The following CAPN12 variants were observed in gnomAD, a reference collection of about 807,000 sequenced individuals.
CAPN12 encodes calpain-12.
In CAPN12, 107 loss-of-function variants were observed where a neutral mutation model predicts 95.0. That is an observed-to-expected ratio of 1.13 (90% CI 0.96 to 1.32). The LOEUF (loss-of-function observed/expected upper bound fraction) is 1.32, where lower values mean the gene tolerates loss of function less well. CAPN12 is among the 40% of genes most tolerant of loss of function. The pLI, the probability that CAPN12 is intolerant of heterozygous loss-of-function variation, is 0.00. For missense variants in CAPN12, 1,136 were observed against 997.8 expected (o/e 1.14, Z -1.87); for synonymous variants, 505 against 415.5 (o/e 1.22, Z -2.62).
chr19:38,734,622 C>T lies in CAPN12; in HGVS notation c.1744+191G>A, dbSNP rs567591704. ...TGCCTTTCAGCGGAAGGGGAGCTTG[C>T]GAGCAGCCGTGGCCCAGGTCACGGG... is the stretch of plus-strand genomic sequence containing the variant. On this transcript the variant is annotated intron_variant, in intron 15 of 20. Transcript: ENST00000328867. The T allele has an allele frequency of 9.5e-4, 615 of 649,556 alleles. 6 individuals are homozygous for T. Among genetic ancestry groups the T allele is most frequent in the African/African-American group, 4.2e-4 (23 of 54,566 alleles). The allele number at this position is 649,556 out of a possible 1,614,324, so 40.2% of individuals were successfully genotyped here. A position where few individuals can be genotyped will look rare whatever the true frequency, so the allele number is the denominator to read the frequency against.
In CAPN12 at chr19:38,743,930, T is replaced by C; in HGVS notation, c.236A>G (p.His79Arg). ...GCCCAGACCCCAGCCACACTTTACA[T>C]GGGGCCTCATCCATTTCACGCCTTT... ...KAKGVKWMRP[H>R]EFCAEPKFIC... The change falls in exon 1 of 21, where the codon CAT becomes CGT. Residue 79 changes from histidine to arginine, a missense_variant and splice_region_variant. His to Arg is a conservative substitution (Grantham distance 29). Transcript: ENST00000328867. 4 of 1,613,914 alleles carry C rather than the reference T, an allele frequency of 2.5e-6. No homozygotes were observed. The highest frequency in any genetic ancestry group is 3.4e-6 in the Non-Finnish European group (4 of 1,179,870).
chr19:38,735,392 A>T lies in CAPN12; in HGVS notation c.1664T>A (p.Leu555Gln), dbSNP rs773635272. 2.5e-6 allele frequency: 4 copies of T among 1,606,326 alleles called. No homozygotes were observed. In the African/African-American group the frequency reaches 4.0e-5, roughly 16 times the overall value. Residue 555 changes from leucine to glutamine, a missense_variant, in exon 14 of 21, where the codon CTG becomes CAG. Transcript: ENST00000328867. ...CACCTCTCCAGCCAGCTCCTGAAAC[A>T]GCTGCTCCAACCCCAGCTCCAGGGG... ...YLPLELGLEQ[L>Q]FQELAGEEEE...
chr19:38,743,623 CTT>C, intron 1 of CAPN12, among the ~76,000 whole-genome samples: 1 of 144,230 alleles, frequency 6.9e-6, no homozygotes, highest in Non-Finnish European at 1.5e-5. Context: ...GTGTCCAGGC[CTT>C]GGCCTCTCCT....
intron 14 of CAPN12, 124 bp downstream of exon 14, chr19:38,735,246 A>T (rs1182061716): frequency 1.0e-6 from 1 of 960,654 alleles, no homozygotes; most frequent in Admixed American, 2.9e-5. Context: ...AGGTCAGGAG[A>T]TTTAAGCCCG....
intron 18 of CAPN12, 160 bp downstream of exon 18, chr19:38,733,543 A>C: frequency 1.6e-6 from 1 of 624,398 alleles, no homozygotes; most frequent in South Asian, 2.1e-5. Flanking sequence ...GGCCTCTTTC[A>C]GGGTCACCCA....
chr19:38,730,814 A>AC lies in CAPN12; in HGVS notation c.*37dup. 1 of 1,550,078 alleles carries AC rather than the reference A, an allele frequency of 6.5e-7. No individual in the cohort carries two copies. Among genetic ancestry groups the AC allele is most frequent in the Non-Finnish European group, 8.7e-7 (1 of 1,146,860 alleles). ...CCTAGGGAGGTGGTCTTGCTCAGCA[A>AC]CCCTGCCCTGAGCAGCAGGTGCGCC... On this transcript the variant is annotated 3_prime_UTR_variant, in exon 21 of 21. Transcript: ENST00000328867.
chr19:38,730,730 C>T lies in CAPN12; in HGVS notation c.*122G>A. The stretch of plus-strand genomic sequence containing the variant: ...GTCACCCGGCCGTGAGCAGTGAGGG[C>T]CAGAGACTAGCCCCAGACAGGTGGA... On this transcript the variant is annotated 3_prime_UTR_variant, in exon 21 of 21. Transcript: ENST00000328867. 7.8e-7 allele frequency: 1 copy of T among 1,286,876 alleles called. No individual in the cohort carries two copies. Among genetic ancestry groups the T allele is most frequent in the Middle Eastern group, 2.2e-4 (1 of 4,608 alleles). The allele number at this position is 1,286,876 out of a possible 1,614,324, so 79.7% of individuals were successfully genotyped here. A position where few individuals can be genotyped will look rare whatever the true frequency, so the allele number is the denominator to read the frequency against.
chr19:38,734,074 A>G (rs1263648953), intron 17 of CAPN12, 68 bp downstream of exon 17: 2 of 1,561,486 alleles, frequency 1.3e-6, no homozygotes, highest in Non-Finnish European at 8.8e-7. Context: ...GATAGCCCAC[A>G]GGGTGCCTAT....
intron 1 of CAPN12, 117 bp downstream of exon 1, chr19:38,743,812 C>T (rs1422963896): frequency 1.0e-6 from 1 of 975,476 alleles, no homozygotes; most frequent in Non-Finnish European, 1.5e-6. Context: ...TCTCGAGCCC[C>T]TCCTCCCTCA....
upstream of CAPN12, chr19:38,744,569 CT>C (rs1323071396): frequency 1.1e-5 from 3 of 265,676 alleles, no homozygotes; most frequent in Non-Finnish European, 2.2e-5. Context: ...CTCTCTCCCC[CT>C]CCCTCTGACA....
Position 38,734,753 on chromosome 19 carries a change from C to T in CAPN12, c.1744+60G>A, listed in dbSNP as rs1969892675. ...GTTCATAGACATAGGGTGGCACCGG[C>T]TCTGGTTGCAGGACCCCTGGCTAAG... On this transcript the variant is annotated intron_variant, in intron 15 of 20. Coordinates refer to ENST00000328867, the MANE Select transcript of CAPN12 (RefSeq NM_144691.4). 5 of 1,522,710 alleles carry T rather than the reference C, an allele frequency of 3.3e-6. No individual in the cohort carries two copies. The Admixed American group carries it at 8.7e-5, about 26-fold the overall frequency. 94.3% of individuals were successfully genotyped at this position (1,522,710 alleles called of 1,614,324 possible). A position where few individuals can be genotyped will look rare whatever the true frequency, so the allele number is the denominator to read the frequency against.
chr19:38,744,062 A>C lies in CAPN12; in HGVS notation c.104T>G (p.Ile35Ser). 5 of 1,614,160 alleles carry C rather than the reference A, an allele frequency of 3.1e-6. No individual in the cohort carries two copies. Among genetic ancestry groups the C allele is most frequent in the African/African-American group, 1.3e-5 (1 of 75,042 alleles). The stretch of plus-strand genomic sequence containing the variant: ...CCCCGAATCCAGGCAGGCTGCCCGA[A>C]TTGCCTCATAGCTCTGGCCCCGAAA... The part of the protein sequence containing the change: ...QLFRGQSYEA[I>S]RAACLDSGIL... Residue 35 changes from isoleucine to serine, a missense_variant, in exon 1 of 21, where the codon ATT becomes AGT. Ile to Ser is a moderately radical substitution (Grantham distance 142). Coordinates refer to ENST00000328867, the MANE Select transcript of CAPN12 (RefSeq NM_144691.4).
intron 12 of CAPN12, 148 bp downstream of exon 12, chr19:38,735,962 G>GGGGGC (rs1289808083): frequency 0.011 from 410 of 35,764 alleles, 109 homozygotes; most frequent in Non-Finnish European, 0.016. Context: ...CGGGGGTTCT[G>GGGGGC]GGGGCGGGGC....
At chr19:38,734,763 A>T (rs1969893386) in intron 15 of CAPN12, 50 bp downstream of exon 15, 1 of 1,567,654 alleles carries the variant, frequency 6.4e-7, no homozygotes, top group African/African-American at 1.4e-5. Context: ...CTCTGGTTGC[A>T]GGACCCCTGG....
rs973992065 is a variant in CAPN12, at chr19:38,736,254, C to T, written c.1439G>A (p.Arg480His). ...ALLPRLLRAD[R>H]SPLSARRDVT... ...GTCGCGGCGGGCGCTGAGGGGCGAG[C>T]GGTCGGCGCGCAGCAGCCGGGGCAG... The change falls in exon 12 of 21, where the codon CGC becomes CAC. Residue 480 changes from arginine (R) to histidine (H), a missense_variant. Transcript: ENST00000328867. 10 of 1,468,998 alleles carry T rather than the reference C, an allele frequency of 6.8e-6. No homozygotes were observed. Among genetic ancestry groups the T allele is most frequent in the South Asian group, 4.1e-5 (3 of 73,696 alleles). 91.0% of individuals were successfully genotyped at this position (1,468,998 alleles called of 1,614,324 possible). A position where few individuals can be genotyped will look rare whatever the true frequency, so the allele number is the denominator to read the frequency against.
rs1385984387 is a variant in CAPN12, at chr19:38,730,952, C to G, written c.2133+13G>C. 3.2e-6 allele frequency: 5 copies of G among 1,550,568 alleles called. No individual in the cohort carries two copies. The highest frequency in any genetic ancestry group is 1.2e-5 in the South Asian group (1 of 84,074). ...CAGAGCCTGAGCCACCCTGTCCCTC[C>G]CACCTGGCTCACCTGTCTGTGGGTC... On this transcript the variant is annotated intron_variant, in intron 20 of 20. Transcript: ENST00000328867.
chr19:38,739,405 T>A (rs1260659167), intron 5 of CAPN12: 1 of 125,618 alleles, frequency 8.0e-6, no homozygotes, highest in Non-Finnish European at 1.5e-5. Flanking sequence ...GCCAAGGTCG[T>A]GCCACTGCAC....
chr19:38,736,260 G>T lies in CAPN12; in HGVS notation c.1433C>A (p.Ala478Asp). Residue 478 changes from alanine (A) to aspartate (D), a missense_variant, in exon 12 of 21, where the codon GCC (alanine) becomes GAC (aspartate). Transcript: ENST00000328867. ...GCGGGCGCTGAGGGGCGAGCGGTCG[G>T]CGCGCAGCAGCCGGGGCAGGAGCGC... The part of the protein sequence containing the change: ...SHALLPRLLR[A>D]DRSPLSARRD... 1 of 1,464,438 alleles carries T rather than the reference G, an allele frequency of 6.8e-7. No individual in the cohort carries two copies. Among genetic ancestry groups the T allele is most frequent in the Non-Finnish European group, 9.0e-7 (1 of 1,117,192 alleles). 90.7% of individuals were successfully genotyped at this position (1,464,438 alleles called of 1,614,324 possible).
chr19:38,744,557 G>A (rs1160070819), upstream of CAPN12: 1 of 280,924 alleles, frequency 3.6e-6, no homozygotes, highest in Non-Finnish European at 6.9e-6. Context: ...CTCTCAGACT[G>A]CCTCTCTCCC....
Sources: gnomAD v4.1 joint callset for allele counts (sites outside exome capture counted in the v4.1 genomes callset) on GRCh38, gnomAD v4.1.1 for gene constraint, MANE v1.5 for transcripts, NCBI Gene and HGNC (gene_info 2026-07-23, HGNC 2026-07-21) for gene names.